The following STAP1 variants were observed in gnomAD, a reference collection of about 807,000 sequenced individuals.
STAP1 encodes signal-transducing adaptor protein 1.
STAP1 carries 30 observed loss-of-function variants against 37.8 expected under a neutral mutation model. The ratio of observed to expected loss-of-function variants is 0.79; its 90% CI spans 0.59 to 1.08. STAP1 has a LOEUF of 1.08. Ranked by LOEUF, STAP1 falls within the 50% of genes least tolerant of loss-of-function variation. The probability of loss-of-function intolerance (pLI) is 0.00; values close to 1 mark genes in which losing one functional copy is unlikely to be tolerated. For missense variants in STAP1, 357 were observed against 349.4 expected, an observed-to-expected ratio of 1.02 and a Z score of -0.17; for synonymous variants, 130 against 116.0, an observed-to-expected ratio of 1.12 and a Z score of -0.78.
At chr4:67,595,098 C>T (rs1217855453) in intron 8 of STAP1, among the ~76,000 whole-genome samples, 1 of 152,090 alleles carries the variant, frequency 6.6e-6, no homozygotes, top group Non-Finnish European at 1.5e-5. Flanking sequence ...CCTAAAATCA[C>T]AAAGACTATT....
Position 67,606,545 on chromosome 4 carries a change from A to G in STAP1, c.*188A>G, listed in dbSNP as rs931642477. ...TCTTATCAGAATGAAACCAATTCAC[A>G]GGGAAACTAGAGACTACGGCTGTGG... On this transcript the variant is annotated 3_prime_UTR_variant, in exon 9 of 9. Transcript: ENST00000265404. The G allele has an allele frequency of 1.8e-6, 1 of 540,824 alleles. No homozygotes were observed. Among genetic ancestry groups the G allele is most frequent in the Non-Finnish European group, 3.2e-6 (1 of 313,386 alleles). The allele number at this position is 540,824 out of a possible 1,614,324, so 33.5% of individuals were successfully genotyped here. A position where few individuals can be genotyped will look rare whatever the true frequency, so the allele number is the denominator to read the frequency against.
In STAP1 at chr4:67,587,523, C is replaced by A. The variant is rs1003802678; in HGVS notation, c.660-3361C>A. On this transcript the variant is annotated intron_variant, in intron 6 of 8. Transcript: ENST00000265404. Reference sequence around the variant, plus strand: ...ACATAAAGCTGTTCTTACAACAGAACTTCATGGCTTGGTTTGGTTTTCTTG... The same window carrying A: ...ACATAAAGCTGTTCTTACAACAGAAATTCATGGCTTGGTTTGGTTTTCTTG... 7.9e-5 allele frequency among the ~76,000 whole-genome samples: 12 copies of A among 152,226 alleles called. 1 individual carries two copies. The highest frequency in any genetic ancestry group is 7.9e-4 in the Admixed American group (12 of 15,278).
chr4:67,599,446 G>A (rs1286021656), intron 8 of STAP1, among the ~76,000 whole-genome samples: 3 of 152,064 alleles, frequency 2.0e-5, no homozygotes, highest in Non-Finnish European at 4.4e-5. Context: ...TAGGTTGTAT[G>A]TGTCTAGAAA....
At chr4:67,559,195 T>C (rs925552830) in intron 1 of STAP1, among the ~76,000 whole-genome samples, 7 of 152,184 alleles carry the variant, frequency 4.6e-5, no homozygotes, top group African/African-American at 1.7e-4. Flanking sequence ...AAGCTAAATT[T>C]CCAAAGAATT....
intron 8 of STAP1, among the ~76,000 whole-genome samples, chr4:67,605,505 C>A (rs1340378506): frequency 6.6e-6 from 1 of 152,064 alleles, no homozygotes; most frequent in Non-Finnish European, 1.5e-5. Context: ...TCAGCCTCCC[C>A]CTGCATTTCA....
chr4:67,590,980 A>T, intron 7 of STAP1, 27 bp downstream of exon 7: 6 of 1,581,850 alleles, frequency 3.8e-6, no homozygotes, highest in Non-Finnish European at 4.3e-6. Context: ...GTTGTTGTTG[A>T]TGAACTTCCT....
intron 1 of STAP1, among the ~76,000 whole-genome samples, chr4:67,560,665 T>G (rs1578018532): frequency 6.6e-6 from 1 of 152,088 alleles, no homozygotes; most frequent in African/African-American, 2.4e-5. Flanking sequence ...TGTGTGTGTG[T>G]GTGTGTGTGA....
At chr4:67,564,515 A>G (rs964727341) in intron 1 of STAP1, among the ~76,000 whole-genome samples, 1 of 152,120 alleles carries the variant, frequency 6.6e-6, no homozygotes, top group African/African-American at 2.4e-5. Context: ...GCAGGGTAAT[A>G]CTGTAGTTAT....
chr4:67,582,622 T>C (rs1329349376), intron 5 of STAP1, among the ~76,000 whole-genome samples: 1 of 120,434 alleles, frequency 8.3e-6, no homozygotes, highest in Non-Finnish European at 1.9e-5. Context: ...ACCAGATTTT[T>C]TCTATTAGTT....
chr4:67,590,255 A>G (rs1047235219), intron 6 of STAP1, among the ~76,000 whole-genome samples: 1 of 152,222 alleles, frequency 6.6e-6, no homozygotes, highest in Admixed American at 6.5e-5. Flanking sequence ...TTTGAGTGCT[A>G]TGTGACTATA....
intron 8 of STAP1, among the ~76,000 whole-genome samples, chr4:67,603,850 C>T (rs916929450): frequency 2.0e-5 from 3 of 152,034 alleles, no homozygotes; most frequent in African/African-American, 4.8e-5. Flanking sequence ...AGGGGTGCCA[C>T]AAGCACTCCC....
intron 6 of STAP1, among the ~76,000 whole-genome samples, chr4:67,585,950 A>G (rs1270503730): frequency 6.6e-6 from 1 of 152,244 alleles, no homozygotes; most frequent in Non-Finnish European, 1.5e-5. Flanking sequence ...AGAGGATGTA[A>G]CACTGAATTA....
Position 67,606,326 on chromosome 4 carries a change from A to G in STAP1, c.857A>G (p.Glu286Gly), listed in dbSNP as rs779444695. The G allele has an allele frequency of 6.2e-7, 1 of 1,612,202 alleles. No individual in the cohort carries two copies. The highest frequency in any genetic ancestry group is 8.5e-7 in the Non-Finnish European group (1 of 1,179,354). Reference sequence around the variant, plus strand: ...GAACCCAGTATGGAAGGGAGAAGTGAAAAGTTGAAGAAAAATCCACACATT... The same window carrying G: ...GAACCCAGTATGGAAGGGAGAAGTGGAAAGTTGAAGAAAAATCCACACATT... The part of the protein sequence containing the change: ...GQEPSMEGRS[E>G]KLKKNPHIA Residue 286 changes from glutamate to glycine, a missense_variant, in exon 9 of 9, where the codon GAA becomes GGA. Glu to Gly is a moderately conservative substitution (Grantham distance 98). Coordinates refer to ENST00000265404, the MANE Select transcript of STAP1 (RefSeq NM_012108.4).
At chr4:67,601,395 A>G (rs955332714) in intron 8 of STAP1, among the ~76,000 whole-genome samples, 2 of 152,190 alleles carry the variant, frequency 1.3e-5, no homozygotes, top group African/African-American at 4.8e-5. Flanking sequence ...TTTACACACC[A>G]CAATTTACGG....
At chr4:67,582,002 A>G (rs1273068570) in intron 5 of STAP1, among the ~76,000 whole-genome samples, 4 of 152,130 alleles carry the variant, frequency 2.6e-5, no homozygotes, top group African/African-American at 4.8e-5. Context: ...ATATTATTGA[A>G]AAGATTCTGA....
At chr4:67,599,029 A>G (rs892039925) in intron 8 of STAP1, among the ~76,000 whole-genome samples, 6 of 152,212 alleles carry the variant, frequency 3.9e-5, no homozygotes, top group Non-Finnish European at 7.3e-5. Flanking sequence ...ATTGATTTAC[A>G]TATGTTGAGT....
chr4:67,582,790 A>G (rs1467057026), intron 5 of STAP1, among the ~76,000 whole-genome samples: 1 of 152,198 alleles, frequency 6.6e-6, no homozygotes, highest in Non-Finnish European at 1.5e-5. Flanking sequence ...CCATACAACC[A>G]TTCTGTTTTT....
rs780523549 is a variant in STAP1, at chr4:67,593,314, G to A, written c.784G>A (p.Gly262Arg). ...TGATTATTTTGTGAAGGAGACTCGA[G>A]GAAATTTAAGACCATTTATATGTTC... ...VIDYFVKETRGNLRPFICSTD... is the reference protein window; with the variant it reads ...VIDYFVKETRRNLRPFICSTD... Residue 262 changes from glycine (G) to arginine (R), a missense_variant, in exon 8 of 9, where the codon GGA becomes AGA. By Grantham distance (125) the Gly-to-Arg change is moderately radical. Transcript: ENST00000265404. 6.2e-6 allele frequency: 10 copies of A among 1,613,092 alleles called. No homozygotes were observed. The highest frequency in any genetic ancestry group is 5.0e-5 in the Admixed American group (3 of 59,924).
At chr4:67,605,965 C>T (rs1283185364) in intron 8 of STAP1, among the ~76,000 whole-genome samples, 1 of 152,148 alleles carries the variant, frequency 6.6e-6, no homozygotes, top group African/African-American at 2.4e-5. Context: ...CTCTCTCTTA[C>T]ACCAGAAGAC....
Sources: allele counts gnomAD v4.1 joint callset (sites outside exome capture counted in the v4.1 genomes callset), GRCh38; gene constraint gnomAD v4.1.1; transcripts MANE v1.5; gene names NCBI Gene and HGNC (gene_info 2026-07-23, HGNC 2026-07-21).